RBFOX1: variants seen among roughly 807,000 people sequenced by gnomAD.
RBFOX1 encodes the protein RNA binding protein fox-1 homolog 1.
RBFOX1 carries 8 observed loss-of-function variants against 57.7 expected under a neutral mutation model. The ratio of observed to expected loss-of-function variants is 0.14; its 90% CI spans 0.08 to 0.25. RBFOX1 has a LOEUF of 0.25. Ranked by LOEUF, RBFOX1 falls within the 10% of genes least tolerant of loss-of-function variation. The pLI, the probability that RBFOX1 is intolerant of heterozygous loss-of-function variation, is 1.00. For synonymous variants in RBFOX1, 326 were observed against 222.4 expected (o/e 1.47, Z -4.15); for missense variants, 611 against 548.5 (o/e 1.11, Z -1.14).
At chr16:7,671,928 T>C (rs1370608690) in intron 13 of RBFOX1, among the ~76,000 whole-genome samples, 1 of 152,228 alleles carries the variant, frequency 6.6e-6, no homozygotes, top group Non-Finnish European at 1.5e-5. Flanking sequence ...GTTAATTTTT[T>C]AGTTTAAAAG....
intron 2 of RBFOX1, among the ~76,000 whole-genome samples, chr16:6,504,448 G>T (rs1896219565): frequency 6.6e-6 from 1 of 152,198 alleles, no homozygotes; most frequent in Admixed American, 6.5e-5. Context: ...GATGCACAGA[G>T]TACCGGGGTA....
At chr16:6,951,898 G>C (rs1389257375) in intron 3 of RBFOX1, among the ~76,000 whole-genome samples, 1 of 152,070 alleles carries the variant, frequency 6.6e-6, no homozygotes, top group African/African-American at 2.4e-5. Flanking sequence ...ACCATGCCCA[G>C]CTAATTTTTG....
chr16:5,911,424 T>A (rs548843619), intron 4 of RBFOX1, among the ~76,000 whole-genome samples: 1 of 152,192 alleles, frequency 6.6e-6, no homozygotes, highest in Non-Finnish European at 1.5e-5. Flanking sequence ...ACAACTTCCC[T>A]GGGGGCACCA....
At chr16:6,110,973 A>C (rs192421701) in intron 1 of RBFOX1, among the ~76,000 whole-genome samples, 4 of 152,154 alleles carry the variant, frequency 2.6e-5, no homozygotes, top group African/African-American at 4.8e-5. Context: ...ACAGTATTTC[A>C]AGGAAGTCAT....
At chr16:6,911,795 A>G (rs554548763) in intron 3 of RBFOX1, among the ~76,000 whole-genome samples, 13 of 152,208 alleles carry the variant, frequency 8.5e-5, no homozygotes, top group East Asian at 3.9e-4. Flanking sequence ...GAAGAGATCT[A>G]TTTTTTCTTC....
chr16:7,263,823 C>G (rs1386827901), intron 4 of RBFOX1, among the ~76,000 whole-genome samples: 8 of 151,702 alleles, frequency 5.3e-5, no homozygotes, highest in Admixed American at 3.9e-4. Flanking sequence ...TCGCTTGAAC[C>G]CAGAAGGCGG....
chr16:5,653,718 A>G lies in RBFOX1; in HGVS notation c.318+54757A>G, dbSNP rs558037065. ...CTCTGAGAGATACTGTTCATTTTCCAAAAGTGCTTAGAGCCGCTCATTTCC... is the reference window on the plus strand; with the variant it reads ...CTCTGAGAGATACTGTTCATTTTCCGAAAGTGCTTAGAGCCGCTCATTTCC... On this transcript the variant is annotated intron_variant, in intron 3 of 19. Transcript: ENST00000641259. Among the ~76,000 whole-genome samples the G allele has an allele frequency of 6.2e-4, 95 of 152,196 alleles. 1 individual carries two copies. Among genetic ancestry groups the G allele is most frequent in the South Asian group, 2.1e-3 (10 of 4,818 alleles).
At chr16:6,773,284 T>G (rs1355543983) in intron 3 of RBFOX1, among the ~76,000 whole-genome samples, 6 of 143,540 alleles carry the variant, frequency 4.2e-5, no homozygotes, top group African/African-American at 1.6e-4. Context: ...TGTAAGTGTA[T>G]GTGTGGGTGT....
At chr16:6,202,889 C>T (rs2097224266) in intron 1 of RBFOX1, among the ~76,000 whole-genome samples, 1 of 152,092 alleles carries the variant, frequency 6.6e-6, no homozygotes, top group African/African-American at 2.4e-5. Flanking sequence ...CCTCCTGCCT[C>T]AGCCTCCCAA....
intron 2 of RBFOX1, among the ~76,000 whole-genome samples, chr16:6,366,848 G>T (rs1008407942): frequency 2.0e-5 from 3 of 152,112 alleles, no homozygotes; most frequent in African/African-American, 7.2e-5. Flanking sequence ...GTGCTTTTCT[G>T]TCTCATGAAA....
intron 11 of RBFOX1, 144 bp downstream of exon 11, chr16:7,630,827 T>C (rs2060828702): frequency 6.9e-7 from 1 of 1,448,240 alleles, no homozygotes. Context: ...TTCATAAGCA[T>C]GTCTGTCTCC....
chr16:5,984,783 C>G (rs1438816708), intron 4 of RBFOX1, among the ~76,000 whole-genome samples: 1 of 151,806 alleles, frequency 6.6e-6, no homozygotes, highest in Non-Finnish European at 1.5e-5. Context: ...ATGTTCTGGC[C>G]TTTTGCTCCT....
chr16:5,776,751 T>C (rs914091097), intron 3 of RBFOX1, among the ~76,000 whole-genome samples: 5 of 152,140 alleles, frequency 3.3e-5, no homozygotes, highest in African/African-American at 1.2e-4. Context: ...ATGAACACCT[T>C]ATGTTGTCCT....
At chr16:6,290,013 A>C (rs1335298273) in intron 1 of RBFOX1, among the ~76,000 whole-genome samples, 1 of 152,236 alleles carries the variant, frequency 6.6e-6, no homozygotes, top group African/African-American at 2.4e-5. Flanking sequence ...AGATCATTAG[A>C]GATAACCCGT....
chr16:5,566,185 A>G (rs1176919505), intron 2 of RBFOX1, among the ~76,000 whole-genome samples: 1 of 152,046 alleles, frequency 6.6e-6, no homozygotes, highest in African/African-American at 2.4e-5. Context: ...ATGAAAATGG[A>G]TGAATACAAT....
intron 3 of RBFOX1, among the ~76,000 whole-genome samples, chr16:5,716,112 A>C (rs1022864179): frequency 5.3e-4 from 80 of 152,192 alleles, no homozygotes; most frequent in African/African-American, 1.8e-3. Flanking sequence ...TCCATTTCAC[A>C]TTTCACATGT....
chr16:5,451,042 G>C (rs534036887), intron 1 of RBFOX1, among the ~76,000 whole-genome samples: 55 of 152,300 alleles, frequency 3.6e-4, no homozygotes, highest in Middle Eastern at 6.8e-3. Flanking sequence ...GCCAGTGCCT[G>C]GTACAGAGTG....
At chr16:5,733,137 G>T (rs1264701443) in intron 3 of RBFOX1, among the ~76,000 whole-genome samples, 1 of 152,162 alleles carries the variant, frequency 6.6e-6, no homozygotes, top group Non-Finnish European at 1.5e-5. Context: ...AAATGAAATA[G>T]GCAGTCAGTC....
At chr16:6,407,638 G>A (rs1455209307) in intron 2 of RBFOX1, among the ~76,000 whole-genome samples, 1 of 150,768 alleles carries the variant, frequency 6.6e-6, no homozygotes, top group Non-Finnish European at 1.5e-5. Flanking sequence ...CATAATCAAG[G>A]CAGCATGGTT....
Sources: allele counts gnomAD v4.1 joint callset (sites outside exome capture counted in the v4.1 genomes callset), GRCh38; gene constraint gnomAD v4.1.1; transcripts MANE v1.5; gene names NCBI Gene and HGNC (gene_info 2026-07-23, HGNC 2026-07-21).